The following CABLES1 variants were observed in gnomAD, a reference collection of about 807,000 sequenced individuals.
CABLES1 encodes Cdk5 and Abl enzyme substrate 1.
Under a neutral mutation model 57.8 loss-of-function variants are expected in CABLES1, and 36 were observed. The ratio of observed to expected loss-of-function variants is 0.62; its 90% confidence interval spans 0.48 to 0.82. CABLES1 has a LOEUF of 0.82. Ranked by LOEUF, CABLES1 falls within the 40% of genes least tolerant of loss-of-function variation. The pLI, the probability that CABLES1 is intolerant of heterozygous loss-of-function variation, is 0.00. For synonymous variants in CABLES1, 374 were observed against 363.0 expected (o/e 1.03, Z -0.35); for missense variants, 767 against 836.6 (o/e 0.92, Z 1.03).
At chr18:23,152,701 T>C (rs1354066982) in intron 1 of CABLES1, among the ~76,000 whole-genome samples, 1 of 151,932 alleles carries the variant, frequency 6.6e-6, no homozygotes, top group Non-Finnish European at 1.5e-5. Flanking sequence ...GCCAGGATGG[T>C]CTCAAACCCC....
intron 7 of CABLES1, among the ~76,000 whole-genome samples, chr18:23,242,009 C>G (rs955269073): frequency 6.6e-6 from 1 of 152,194 alleles, no homozygotes; most frequent in African/African-American, 2.4e-5. Context: ...GGTGCAGTGG[C>G]TCACGCCTGT....
At chr18:23,169,277 G>A (rs994765235) in intron 1 of CABLES1, among the ~76,000 whole-genome samples, 7 of 152,192 alleles carry the variant, frequency 4.6e-5, no homozygotes, top group South Asian at 2.1e-4. Flanking sequence ...GCTGCTCTGT[G>A]TAGGGAGTAG....
intron 1 of CABLES1, among the ~76,000 whole-genome samples, chr18:23,187,271 G>A (rs529441254): frequency 6.6e-6 from 1 of 152,336 alleles, no homozygotes. Flanking sequence ...AGAAAGTCCG[G>A]TATGTCATGA....
At chr18:23,227,551 T>G (rs2047536974) in intron 4 of CABLES1, among the ~76,000 whole-genome samples, 1 of 152,188 alleles carries the variant, frequency 6.6e-6, no homozygotes, top group South Asian at 2.1e-4. Flanking sequence ...TGCTTTTGAC[T>G]TCACTTTTGT....
rs538627160 is a variant in CABLES1 at position 23,259,491 on chromosome 18, C to T, written c.*2124C>T. On this transcript the variant is annotated 3_prime_UTR_variant, in exon 10 of 10. Coordinates refer to ENST00000256925, the MANE Select transcript of CABLES1 (RefSeq NM_001100619.3). ...GAGGTGAGCCCATGAAGTTAGTGGT[C>T]CATTACTTTTTAAAGATGCATTTTC... The T allele has an allele frequency of 6.6e-6, 1 of 152,288 alleles. No homozygotes were observed. The highest frequency in any genetic ancestry group is 2.1e-4 in the South Asian group (1 of 4,818). 9.4% of individuals were successfully genotyped at this position (152,288 alleles called of 1,614,324 possible). A position where few individuals can be genotyped will look rare whatever the true frequency, so the allele number is the denominator to read the frequency against.
At chr18:23,159,543 T>C (rs1329425723) in intron 1 of CABLES1, among the ~76,000 whole-genome samples, 1 of 152,230 alleles carries the variant, frequency 6.6e-6, no homozygotes, top group Non-Finnish European at 1.5e-5. Flanking sequence ...TAGATGGTGT[T>C]TTCTACCATA....
rs1301100227 is a variant in CABLES1 at position 23,140,512 on chromosome 18, C to T, written c.845+3905C>T. 4.6e-5 allele frequency among the ~76,000 whole-genome samples: 7 copies of T among 151,734 alleles called. No homozygotes were observed. In the South Asian group the frequency reaches 6.2e-4, roughly 14 times the overall value. The stretch of plus-strand genomic sequence containing the variant: ...AGTGCAGTGGCGCCATCGCGGCTCA[C>T]GGCAACCTCTGCCTCCTGGGTTCAA... On this transcript the variant is annotated intron_variant, in intron 1 of 9. Transcript: ENST00000256925.
At chr18:23,241,358 C>G (rs950083531) in intron 7 of CABLES1, among the ~76,000 whole-genome samples, 1 of 152,028 alleles carries the variant, frequency 6.6e-6, no homozygotes, top group Non-Finnish European at 1.5e-5. Flanking sequence ...TGATGAAACT[C>G]TGTCTCTACT....
chr18:23,243,834 T>C (rs2145103910), intron 7 of CABLES1, among the ~76,000 whole-genome samples: 1 of 148,882 alleles, frequency 6.7e-6, no homozygotes. Flanking sequence ...ATCACGCCAC[T>C]GTACCCCGGC....
Position 23,135,723 on chromosome 18 carries a change from T to C in CABLES1, c.-40T>C. On this transcript the variant is annotated 5_prime_UTR_variant, in exon 1 of 10. Transcript: ENST00000256925. The stretch of plus-strand genomic sequence containing the variant: ...CGCTTAGCGCTCGGGCGCCGCTCGC[T>C]TCTCCGGGCATCGCGGAAATCCCGC... The C allele has an allele frequency of 1.0e-6, 1 of 985,444 alleles. No homozygotes were observed. Among genetic ancestry groups the C allele is most frequent in the Non-Finnish European group, 1.2e-6 (1 of 831,586 alleles). The allele number at this position is 985,444 out of a possible 1,614,324, so 61.0% of individuals were successfully genotyped here.
intron 4 of CABLES1, among the ~76,000 whole-genome samples, chr18:23,222,948 C>A (rs2047500129): frequency 6.6e-6 from 1 of 152,244 alleles, no homozygotes; most frequent in Admixed American, 6.5e-5. Flanking sequence ...CCCCTCCCAC[C>A]CACTAGCCAG....
At chr18:23,241,726 C>G (rs933649760) in intron 7 of CABLES1, among the ~76,000 whole-genome samples, 1 of 151,978 alleles carries the variant, frequency 6.6e-6, no homozygotes, top group Non-Finnish European at 1.5e-5. Context: ...GTGATATTAA[C>G]CAGCCATGAT....
chr18:23,256,462 C>T (rs2048168320), intron 9 of CABLES1, among the ~76,000 whole-genome samples: 1 of 152,152 alleles, frequency 6.6e-6, no homozygotes, highest in African/African-American at 2.4e-5. Context: ...TTTTTATTGT[C>T]GTGCGTGGTT....
chr18:23,241,451 A>C (rs2047734372), intron 7 of CABLES1, among the ~76,000 whole-genome samples: 1 of 152,054 alleles, frequency 6.6e-6, no homozygotes, highest in Admixed American at 6.5e-5. Flanking sequence ...GAATCGCTTA[A>C]ACCCGGGAGG....
chr18:23,251,636 T>C lies in CABLES1; in HGVS notation c.1447-1324T>C, dbSNP rs1598882846. ...GGGTATTCAGAAAGGACTCCAAGGA[T>C]CCTTTAAGGATTTCTCCAATTTAGA... On this transcript the variant is annotated intron_variant, in intron 7 of 9. Coordinates refer to ENST00000256925, the MANE Select transcript of CABLES1 (RefSeq NM_001100619.3). Among the ~76,000 whole-genome samples, 14 of 152,184 alleles carry C rather than the reference T, an allele frequency of 9.2e-5. No homozygotes were observed. In the South Asian group the frequency reaches 2.9e-3, roughly 32 times the overall value.
intron 7 of CABLES1, among the ~76,000 whole-genome samples, chr18:23,238,708 C>CT (rs2047664459): frequency 6.6e-6 from 1 of 152,194 alleles, no homozygotes; most frequent in Admixed American, 6.5e-5. Flanking sequence ...TTAAAATTCA[C>CT]TTTATTTATT....
intron 1 of CABLES1, among the ~76,000 whole-genome samples, chr18:23,158,839 C>A (rs1234936909): frequency 6.6e-6 from 1 of 152,188 alleles, no homozygotes; most frequent in Non-Finnish European, 1.5e-5. Flanking sequence ...AATGATCATG[C>A]CACCCCTGTA....
intron 1 of CABLES1, among the ~76,000 whole-genome samples, chr18:23,160,781 C>T (rs1007437357): frequency 6.6e-6 from 1 of 152,178 alleles, no homozygotes; most frequent in Admixed American, 6.5e-5. Flanking sequence ...TGCCTGTAAT[C>T]CCAGCACTTT....
intron 4 of CABLES1, chr18:23,219,190 G>A (rs539820916): frequency 2.7e-4 from 122 of 454,140 alleles, no homozygotes; most frequent in African/African-American, 2.4e-3. Context: ...TGGGTACACT[G>A]GTGAAAGAGA....
Sources: gnomAD v4.1 joint callset for allele counts (sites outside exome capture counted in the v4.1 genomes callset) on GRCh38, gnomAD v4.1.1 for gene constraint, MANE v1.5 for transcripts, NCBI Gene and HGNC (gene_info 2026-07-23, HGNC 2026-07-21) for gene names.